Variants in TPGS2 observed in about 807,000 individuals in gnomAD.
The protein encoded by TPGS2 is tubulin polyglutamylase complex subunit 2.
Under a neutral mutation model 31.1 loss-of-function variants are expected in TPGS2, and 26 were observed. The observed-to-expected ratio is 0.84, with a 90% confidence interval of 0.61 to 1.16. The LOEUF (loss-of-function observed/expected upper bound fraction) is 1.16. TPGS2 is among the 50% of genes most tolerant of loss of function. The pLI is 0.00. For synonymous variants in TPGS2, 130 were observed against 136.6 expected (o/e 0.95, Z 0.34); for missense variants, 351 against 363.8 (o/e 0.96, Z 0.29).
At chr18:36,804,284 G>T (rs1192642204) in intron 4 of TPGS2, among the ~76,000 whole-genome samples, 1 of 152,140 alleles carries the variant, frequency 6.6e-6, no homozygotes, top group Non-Finnish European at 1.5e-5. Context: ...AGGCCAAGTG[G>T]TTTTTATCCC....
intron 2 of TPGS2, among the ~76,000 whole-genome samples, chr18:36,809,934 A>T (rs1363970186): frequency 7.2e-5 from 11 of 152,224 alleles, no homozygotes; most frequent in Admixed American, 7.2e-4. Flanking sequence ...CACCCAAGAA[A>T]TAAGTTTTGG....
chr18:36,792,303 A>G (rs1340718907), downstream of TPGS2, among the ~76,000 whole-genome samples: 1 of 152,246 alleles, frequency 6.6e-6, no homozygotes, highest in Non-Finnish European at 1.5e-5. Context: ...AGGAGTAAAT[A>G]TGGGTCTACC....
intron 2 of TPGS2, among the ~76,000 whole-genome samples, chr18:36,812,309 A>C (rs1303245724): frequency 1.3e-5 from 2 of 152,200 alleles, no homozygotes; most frequent in African/African-American, 4.8e-5. Context: ...TCACCAGAAC[A>C]ACCAAGGCAG....
chr18:36,794,635 T>C lies in TPGS2; in HGVS notation c.*2170A>G. 1.0e-6 allele frequency: 1 copy of C among 985,432 alleles called. No homozygotes were observed. The highest frequency in any genetic ancestry group is 1.2e-6 in the Non-Finnish European group (1 of 829,936). The allele number at this position is 985,432 out of a possible 1,614,324, so 61.0% of individuals were successfully genotyped here. A position where few individuals can be genotyped will look rare whatever the true frequency, so the allele number is the denominator to read the frequency against. On this transcript the variant is annotated 3_prime_UTR_variant, in exon 7 of 7. Transcript: ENST00000334295. ...TATCCAGTGCCGTTGGCTCTTCCTT[T>C]GATCAATTCTGGCAAGAAAAATACT...
chr18:36,781,842 A>T (rs1294808218), downstream of TPGS2: 1 of 985,488 alleles, frequency 1.0e-6, no homozygotes, highest in Non-Finnish European at 1.2e-6. Context: ...CAAATAGTAC[A>T]TGATGGATGT....
chr18:36,828,883 C>A lies in TPGS2; in HGVS notation c.-116G>T, dbSNP rs1364059880. 37 of 1,320,266 alleles carry A rather than the reference C, an allele frequency of 2.8e-5. 1 individual carries two copies. The South Asian group carries it at 4.7e-4, about 17-fold the overall frequency. The allele number at this position is 1,320,266 out of a possible 1,614,324, so 81.8% of individuals were successfully genotyped here. On this transcript the variant is annotated 5_prime_UTR_variant, in exon 1 of 7. Coordinates refer to ENST00000334295, the MANE Select transcript of TPGS2 (RefSeq NM_015476.4). The stretch of plus-strand genomic sequence containing the variant: ...CGGTAGTTCTCGGCGCCTGAAAGCG[C>A]GGCGCAGTGATGATGGGGGCCCGGG...
chr18:36,798,513 G>C lies in TPGS2; in HGVS notation c.593C>G (p.Thr198Ser), dbSNP rs768192306. Residue 198 changes from threonine to serine, a missense_variant, in exon 6 of 7, where the codon ACC becomes AGC. Coordinates refer to ENST00000334295, the MANE Select transcript of TPGS2 (RefSeq NM_015476.4). ...TFTAYYRLLI[T>S]HLGLPQWQYA... is the part of the protein sequence containing the mutation. Reference sequence around the variant, plus strand: ...TTGCCACTGGGGCAGGCCCAGGTGGGTGATGAGCAGGCGGTAATAGGCAGT... The same window carrying C: ...TTGCCACTGGGGCAGGCCCAGGTGGCTGATGAGCAGGCGGTAATAGGCAGT... 1.2e-6 allele frequency: 2 copies of C among 1,614,224 alleles called. No individual in the cohort carries two copies. Among genetic ancestry groups the C allele is most frequent in the Non-Finnish European group, 1.7e-6 (2 of 1,180,046 alleles).
chr18:36,822,836 TG>T (rs1271975340), intron 1 of TPGS2, among the ~76,000 whole-genome samples: 1 of 152,160 alleles, frequency 6.6e-6, no homozygotes, highest in Non-Finnish European at 1.5e-5. Flanking sequence ...TGGCCTCAAG[TG>T]ATTTTCCCAC....
At chr18:36,812,322 A>T (rs574793518) in intron 2 of TPGS2, among the ~76,000 whole-genome samples, 104 of 152,328 alleles carry the variant, frequency 6.8e-4, no homozygotes, top group African/African-American at 2.5e-3. Context: ...CAAGGCAGGC[A>T]GTGGGTTGGA....
downstream of TPGS2, among the ~76,000 whole-genome samples, chr18:36,791,663 T>C (rs968227102): frequency 6.6e-6 from 1 of 152,130 alleles, no homozygotes; most frequent in Admixed American, 6.5e-5. Context: ...ATTAACTCCA[T>C]AATGGAGGCC....
At chr18:36,792,112 C>T (rs1254112004), downstream of TPGS2, among the ~76,000 whole-genome samples, 4 of 151,904 alleles carry the variant, frequency 2.6e-5, no homozygotes, top group African/African-American at 4.8e-5. Flanking sequence ...AAATCCACTT[C>T]GTGTCCAATT....
intron 2 of TPGS2, among the ~76,000 whole-genome samples, chr18:36,810,404 T>C (rs377690335): frequency 6.6e-6 from 1 of 152,180 alleles, no homozygotes; most frequent in East Asian, 1.9e-4. Flanking sequence ...ATTTCTGTTC[T>C]AACCAACCTG....
At chr18:36,785,970 T>G (rs2044115973) in intron 6 of TPGS2, among the ~76,000 whole-genome samples, 1 of 152,162 alleles carries the variant, frequency 6.6e-6, no homozygotes, top group South Asian at 2.1e-4. Context: ...TATGAATATT[T>G]ATGAAGGTGG....
At chr18:36,798,023 A>G in intron 6 of TPGS2, 1 of 335,614 alleles carries the variant, frequency 3.0e-6, no homozygotes, top group East Asian at 1.2e-4. Context: ...AAAAGTGTGC[A>G]TGCATGCTTT....
chr18:36,785,584 C>G (rs1031669101), intron 6 of TPGS2, among the ~76,000 whole-genome samples: 1 of 152,130 alleles, frequency 6.6e-6, no homozygotes, highest in African/African-American at 2.4e-5. Context: ...CTAATGAGCA[C>G]TATTGTCTTT....
At chr18:36,810,882 G>C (rs1317707401) in intron 2 of TPGS2, among the ~76,000 whole-genome samples, 1 of 152,122 alleles carries the variant, frequency 6.6e-6, no homozygotes, top group Non-Finnish European at 1.5e-5. Flanking sequence ...CAAGGGAAGG[G>C]CTAGGGGCTG....
intron 4 of TPGS2, among the ~76,000 whole-genome samples, chr18:36,803,838 C>G (rs1273220258): frequency 6.6e-6 from 1 of 151,738 alleles, no homozygotes; most frequent in Admixed American, 6.6e-5. Context: ...CTTAAGTATT[C>G]TTGTTCTTAG....
At chr18:36,780,081 G>A (rs187856694), downstream of TPGS2, 1 of 1,154,896 alleles carries the variant, frequency 8.7e-7, no homozygotes, top group East Asian at 3.2e-5. Context: ...TATTCTTCTG[G>A]GAACAGGACC....
downstream of TPGS2, among the ~76,000 whole-genome samples, chr18:36,782,762 C>T (rs976391065): frequency 2.0e-5 from 3 of 152,302 alleles, no homozygotes; most frequent in Admixed American, 6.5e-5. Flanking sequence ...ACATCTCTGC[C>T]GCTTCCTTGC....
Sources: allele counts gnomAD v4.1 joint callset (sites outside exome capture counted in the v4.1 genomes callset), GRCh38; gene constraint gnomAD v4.1.1; transcripts MANE v1.5; gene names NCBI Gene and HGNC (gene_info 2026-07-23, HGNC 2026-07-21).